The following SHTN1 variants were observed in gnomAD, a reference collection of about 807,000 sequenced individuals.
SHTN1 encodes the protein shootin-1.
In SHTN1, 42 loss-of-function variants were observed where a neutral mutation model predicts 83.1. That is an observed-to-expected ratio of 0.51 (90% confidence interval 0.39 to 0.65). The LOEUF is 0.65. Ranked by LOEUF, SHTN1 falls within the 30% of genes least tolerant of loss-of-function variation. SHTN1 has a pLI of 0.00. For synonymous variants in SHTN1, 224 were observed against 247.7 expected (o/e 0.90, Z 0.90); for missense variants, 622 against 737.8 (o/e 0.84, Z 1.82).
intron 4 of SHTN1, among the ~76,000 whole-genome samples, chr10:116,959,118 T>G (rs1425726327): frequency 6.6e-6 from 1 of 152,208 alleles, no homozygotes; most frequent in Non-Finnish European, 1.5e-5. Context: ...CATTACGGAC[T>G]AGTGAACTCT....
At chr10:117,022,719 G>C (rs1297493084) in intron 2 of SHTN1, among the ~76,000 whole-genome samples, 3 of 152,098 alleles carry the variant, frequency 2.0e-5, no homozygotes, top group African/African-American at 7.2e-5. Context: ...TCAGGAGTTC[G>C]AGACCAGCCT....
intron 2 of SHTN1, among the ~76,000 whole-genome samples, chr10:116,976,613 C>G (rs897602179): frequency 6.6e-6 from 1 of 152,182 alleles, no homozygotes; most frequent in African/African-American, 2.4e-5. Context: ...CAGCCAGGCA[C>G]AAGAGAGTGC....
At chr10:117,012,549 C>CT (rs34280435) in intron 2 of SHTN1, among the ~76,000 whole-genome samples, 10 of 151,958 alleles carry the variant, frequency 6.6e-5, no homozygotes, top group African/African-American at 1.9e-4. Context: ...GACATCCTTT[C>CT]TTTTTTTTAT....
intron 16 of SHTN1, among the ~76,000 whole-genome samples, chr10:116,899,536 TGTGTGTGTGTGAGA>T (rs1297567965): frequency 8.0e-4 from 71 of 88,284 alleles, no homozygotes; most frequent in African/African-American, 1.8e-3. Flanking sequence ...TGTGTGTGTG[TGTGTGTGTGTGAGA>T]GAGTGCATGC....
chr10:116,953,720 TG>T (rs1366383757), intron 5 of SHTN1, among the ~76,000 whole-genome samples: 1 of 144,186 alleles, frequency 6.9e-6, no homozygotes, highest in Non-Finnish European at 1.5e-5. Flanking sequence ...CTCTGCCTCC[TG>T]GGTTCAAGTG....
chr10:117,025,691 G>A (rs1852324894), intron 2 of SHTN1, among the ~76,000 whole-genome samples: 1 of 152,114 alleles, frequency 6.6e-6, no homozygotes, highest in Admixed American at 6.5e-5. Flanking sequence ...GGAAAAGTGG[G>A]GAGAACTTTG....
intron 3 of SHTN1, among the ~76,000 whole-genome samples, chr10:116,965,334 T>G (rs992666830): frequency 2.6e-5 from 4 of 152,118 alleles, no homozygotes; most frequent in African/African-American, 9.7e-5. Context: ...CTGGCCAACA[T>G]GGTGAAACCC....
At chr10:116,960,025 G>C (rs1850126793) in intron 4 of SHTN1, 111 bp downstream of exon 4, 2 of 634,576 alleles carry the variant, frequency 3.2e-6, no homozygotes, top group Non-Finnish European at 5.6e-6. Flanking sequence ...CATCATCAGA[G>C]TAGATAATCG....
intron 2 of SHTN1, among the ~76,000 whole-genome samples, chr10:117,021,786 A>C (rs1852267122): frequency 6.6e-6 from 1 of 152,218 alleles, no homozygotes; most frequent in Admixed American, 6.5e-5. Context: ...TCAACAAATT[A>C]ATAGATAAAC....
intron 1 of SHTN1, among the ~76,000 whole-genome samples, chr10:117,052,548 A>C (rs1333428052): frequency 6.6e-6 from 1 of 152,052 alleles, no homozygotes; most frequent in Admixed American, 6.6e-5. Context: ...CTACAGTAAG[A>C]AAAAAAATTG....
chr10:117,072,552 A>G (rs1389688862), intron 1 of SHTN1, among the ~76,000 whole-genome samples: 1 of 151,950 alleles, frequency 6.6e-6, no homozygotes. Context: ...TGTGCAGACA[A>G]CCCCCAGTAC....
intron 16 of SHTN1, among the ~76,000 whole-genome samples, chr10:116,897,490 GA>G (rs1847564887): frequency 6.6e-6 from 1 of 152,196 alleles, no homozygotes; most frequent in East Asian, 1.9e-4. Flanking sequence ...ATAACAAAAA[GA>G]AAACAAAACA....
intron 1 of SHTN1, among the ~76,000 whole-genome samples, chr10:116,991,631 T>C (rs1206576464): frequency 6.6e-6 from 1 of 152,080 alleles, no homozygotes; most frequent in Non-Finnish European, 1.5e-5. Flanking sequence ...AAAGCAGGCA[T>C]TACTAGGAGG....
chr10:116,916,726 G>T (rs1034080746), intron 12 of SHTN1, among the ~76,000 whole-genome samples: 2 of 152,118 alleles, frequency 1.3e-5, no homozygotes, highest in African/African-American at 4.8e-5. Flanking sequence ...TTGTGTAAGC[G>T]CCTAGGGGAG....
chr10:116,884,085 C>A lies in SHTN1; in HGVS notation c.*2259G>T. On this transcript the variant is annotated 3_prime_UTR_variant, in exon 17 of 17. Coordinates refer to ENST00000355371, the MANE Select transcript of SHTN1 (RefSeq NM_001127211.3). Reference sequence around the variant, plus strand: ...TTTATCTTTCCCAAACAGAAGGAAGCATAAATAACCTTTTAGAGAAATCAA... The same window carrying A: ...TTTATCTTTCCCAAACAGAAGGAAGAATAAATAACCTTTTAGAGAAATCAA... 2 of 374,316 alleles carry A rather than the reference C, an allele frequency of 5.3e-6. No homozygotes were observed. The highest frequency in any genetic ancestry group is 2.1e-5 in the African/African-American group (1 of 47,570). 23.2% of individuals were successfully genotyped at this position (374,316 alleles called of 1,614,324 possible). A position where few individuals can be genotyped will look rare whatever the true frequency, so the allele number is the denominator to read the frequency against.
intron 1 of SHTN1, among the ~76,000 whole-genome samples, chr10:116,999,170 T>C (rs767681425): frequency 7.2e-5 from 11 of 152,188 alleles, no homozygotes; most frequent in Non-Finnish European, 1.2e-4. Flanking sequence ...GAAAGAAAGA[T>C]AGAAATGTCC....
At chr10:116,923,637 C>G (rs1848640275) in intron 11 of SHTN1, among the ~76,000 whole-genome samples, 1 of 151,960 alleles carries the variant, frequency 6.6e-6, no homozygotes, top group African/African-American at 2.4e-5. Flanking sequence ...CTCATTGCAG[C>G]TCCGATCTCC....
At chr10:117,007,257 TTCTC>T (rs1852034136), upstream of SHTN1, among the ~76,000 whole-genome samples, 1 of 151,942 alleles carries the variant, frequency 6.6e-6, no homozygotes, top group Non-Finnish European at 1.5e-5. Context: ...TCCTGACTCA[TTCTC>T]TCTCACTCTA....
intron 1 of SHTN1, among the ~76,000 whole-genome samples, chr10:116,980,734 C>T (rs1850984963): frequency 6.6e-6 from 1 of 152,086 alleles, no homozygotes; most frequent in Non-Finnish European, 1.5e-5. Context: ...GCAAAGAACA[C>T]CCCAGAAACA....
Sources: allele counts gnomAD v4.1 joint callset (sites outside exome capture counted in the v4.1 genomes callset), GRCh38; gene constraint gnomAD v4.1.1; transcripts MANE v1.5; gene names NCBI Gene and HGNC (gene_info 2026-07-23, HGNC 2026-07-21).